Variants in ARHGAP26 observed in about 807,000 individuals in gnomAD.
ARHGAP26 encodes the protein Rho GTPase activating protein 26.
ARHGAP26 carries 38 observed loss-of-function variants against 104.8 expected under a neutral mutation model. The ratio of observed to expected loss-of-function variants is 0.36; its 90% confidence interval spans 0.28 to 0.48. The LOEUF (loss-of-function observed/expected upper bound fraction) is 0.48, where lower values mean the gene tolerates loss of function less well. ARHGAP26 is among the 20% of genes least tolerant of loss of function. The pLI is 0.99. For missense variants in ARHGAP26, 704 were observed against 947.9 expected, an observed-to-expected ratio of 0.74 and a Z score of 3.38; for synonymous variants, 341 against 340.0, an observed-to-expected ratio of 1.00 and a Z score of -0.03.
intron 16 of ARHGAP26, 112 bp downstream of exon 16, chr5:143,056,198 A>T: frequency 1.2e-6 from 1 of 846,652 alleles, no homozygotes; most frequent in South Asian, 1.6e-5. Context: ...CTGCACATAA[A>T]CTGGCCACAT....
intron 20 of ARHGAP26, among the ~76,000 whole-genome samples, chr5:143,172,020 G>T (rs377341924): frequency 6.6e-6 from 1 of 152,142 alleles, no homozygotes. Flanking sequence ...TACAGTGTGG[G>T]TGTTATGTCC....
At chr5:143,168,079 A>G (rs1202382807) in intron 20 of ARHGAP26, among the ~76,000 whole-genome samples, 1 of 152,216 alleles carries the variant, frequency 6.6e-6, no homozygotes, top group Admixed American at 6.5e-5. Flanking sequence ...TTGTGATCAA[A>G]TTGGCACTTG....
intron 14 of ARHGAP26, among the ~76,000 whole-genome samples, chr5:143,043,052 T>A (rs773294330): frequency 2.6e-5 from 4 of 152,244 alleles, no homozygotes; most frequent in Non-Finnish European, 5.9e-5. Flanking sequence ...GTGTACCACT[T>A]ACTCAGTCTC....
chr5:143,082,582 A>G (rs1192874993), intron 17 of ARHGAP26, among the ~76,000 whole-genome samples: 1 of 152,238 alleles, frequency 6.6e-6, no homozygotes, highest in African/African-American at 2.4e-5. Flanking sequence ...TCAAAGTTAC[A>G]TACCTTGCCC....
intron 16 of ARHGAP26, among the ~76,000 whole-genome samples, 174 bp downstream of exon 16, chr5:143,056,260 G>A (rs1785791034): frequency 6.7e-6 from 1 of 150,082 alleles, no homozygotes; most frequent in South Asian, 2.1e-4. Flanking sequence ...AATAGGGATT[G>A]CTAAGGGCCT....
At chr5:143,030,582 T>C (rs1224182267) in intron 12 of ARHGAP26, among the ~76,000 whole-genome samples, 3 of 151,432 alleles carry the variant, frequency 2.0e-5, no homozygotes, top group Non-Finnish European at 4.4e-5. Context: ...CATTTCTTTA[T>C]TTAACCTTTA....
intron 11 of ARHGAP26, among the ~76,000 whole-genome samples, chr5:142,935,440 C>G (rs181257737): frequency 6.6e-6 from 1 of 152,254 alleles, no homozygotes; most frequent in Admixed American, 6.5e-5. Context: ...CTGCCATGGA[C>G]AATATGTAAA....
chr5:142,935,379 G>T (rs893882589), intron 11 of ARHGAP26, among the ~76,000 whole-genome samples: 2 of 152,146 alleles, frequency 1.3e-5, no homozygotes, highest in African/African-American at 4.8e-5. Flanking sequence ...AGGCTTTGTG[G>T]GCCATGTGGT....
rs945467624 is a variant in ARHGAP26, at chr5:143,224,948, A to G, written c.*2502A>G. 61 of 223,788 alleles carry G rather than the reference A, an allele frequency of 2.7e-4. No individual in the cohort carries two copies. Among genetic ancestry groups the G allele is most frequent in the African/African-American group, 1.3e-3 (58 of 44,926 alleles). The allele number at this position is 223,788 out of a possible 1,614,324, so 13.9% of individuals were successfully genotyped here. On this transcript the variant is annotated 3_prime_UTR_variant, in exon 23 of 23. Transcript: ENST00000645722. Reference sequence around the variant, plus strand: ...GAACTCACCCAGGAGCAAGCGAGACACTACCATTGAATCAGGGAATGAGAA... The same window carrying G: ...GAACTCACCCAGGAGCAAGCGAGACGCTACCATTGAATCAGGGAATGAGAA...
chr5:142,791,082 G>GTT (rs3059587), intron 1 of ARHGAP26, among the ~76,000 whole-genome samples: 17,794 of 142,746 alleles, frequency 0.12, 2,232 homozygotes, highest in African/African-American at 0.33. Flanking sequence ...TTGCTTTAAA[G>GTT]TTTTTTTTTT....
intron 5 of ARHGAP26, among the ~76,000 whole-genome samples, chr5:142,890,142 AAAAAAAAAAATATAT>A (rs1758317217): frequency 1.1e-5 from 1 of 87,226 alleles, no homozygotes; most frequent in Non-Finnish European, 2.1e-5. Context: ...GTCTTAAAAA[AAAAAAAAAAATATAT>A]ATATATATAT....
chr5:142,775,570 A>G (rs6860650), intron 1 of ARHGAP26, among the ~76,000 whole-genome samples: 46,963 of 152,072 alleles, frequency 0.31, 13,382 homozygotes, highest in African/African-American at 0.75. Context: ...TATAATTACT[A>G]TCTCTTTCGA....
intron 1 of ARHGAP26, chr5:142,771,495 T>G: frequency 9.6e-7 from 1 of 1,046,478 alleles, no homozygotes; most frequent in Non-Finnish European, 1.2e-6. Flanking sequence ...CAGTAATCTC[T>G]AAATCTGGAA....
intron 20 of ARHGAP26, among the ~76,000 whole-genome samples, chr5:143,171,642 C>T (rs1380220064): frequency 6.6e-6 from 1 of 152,108 alleles, no homozygotes. Flanking sequence ...CATTCCATAA[C>T]TCTCCAATCT....
chr5:143,068,119 C>A lies in ARHGAP26; in HGVS notation c.1538+10372C>A, dbSNP rs530981384. ...GGCAGAGGTTGCAGTGAGCCAAGACCATGCCACTACACTTCAGCCTGGGTG... is the reference window on the plus strand; with the variant it reads ...GGCAGAGGTTGCAGTGAGCCAAGACAATGCCACTACACTTCAGCCTGGGTG... On this transcript the variant is annotated intron_variant, in intron 17 of 22. Coordinates refer to ENST00000645722, the MANE Select transcript of ARHGAP26 (RefSeq NM_001135608.3). Among the ~76,000 whole-genome samples, 5 of 152,260 alleles carry A rather than the reference C, an allele frequency of 3.3e-5. No homozygotes were observed. In the South Asian group the frequency reaches 1.0e-3, roughly 32 times the overall value.
intron 20 of ARHGAP26, among the ~76,000 whole-genome samples, chr5:143,179,430 G>T (rs1020287282): frequency 6.6e-6 from 1 of 152,178 alleles, no homozygotes; most frequent in Non-Finnish European, 1.5e-5. Flanking sequence ...CCTGGGTTGC[G>T]TTGCTTTTTG....
chr5:142,950,676 A>G (rs1480024131), intron 11 of ARHGAP26, among the ~76,000 whole-genome samples: 1 of 152,238 alleles, frequency 6.6e-6, no homozygotes, highest in African/African-American at 2.4e-5. Context: ...AGTTCTGTGC[A>G]TCTGCCCTTG....
chr5:143,099,317 G>A (rs998617681), intron 17 of ARHGAP26, among the ~76,000 whole-genome samples: 1 of 152,138 alleles, frequency 6.6e-6, no homozygotes, highest in Non-Finnish European at 1.5e-5. Flanking sequence ...CAGGTGGGGG[G>A]CACAGGTAGA....
chr5:143,112,852 T>G (rs1794934598), intron 17 of ARHGAP26, among the ~76,000 whole-genome samples: 1 of 152,276 alleles, frequency 6.6e-6, no homozygotes. Flanking sequence ...TGCTTATCTG[T>G]TCATCCATCA....
Sources: gnomAD v4.1 joint callset for allele counts (sites outside exome capture counted in the v4.1 genomes callset) on GRCh38, gnomAD v4.1.1 for gene constraint, MANE v1.5 for transcripts, NCBI Gene and HGNC (gene_info 2026-07-23, HGNC 2026-07-21) for gene names.